Variants in SVOP observed in about 807,000 individuals in gnomAD.
SVOP encodes the protein synaptic vesicle 2-related protein.
SVOP carries 17 observed loss-of-function variants against 69.1 expected under a neutral mutation model. The ratio of observed to expected loss-of-function variants is 0.25; its 90% CI spans 0.17 to 0.37. SVOP has a LOEUF of 0.37. Among genes scored for constraint, SVOP ranks in the 10% least tolerant of loss-of-function variants. The pLI, the probability that SVOP is intolerant of heterozygous loss-of-function variation, is 1.00. For synonymous variants in SVOP, 238 were observed against 238.6 expected (o/e 1.00, Z 0.02); for missense variants, 435 against 597.5 (o/e 0.73, Z 2.84).
intron 5 of SVOP, among the ~76,000 whole-genome samples, chr12:108,966,355 C>G (rs1418439050): frequency 6.6e-6 from 1 of 152,198 alleles, no homozygotes; most frequent in African/African-American, 2.4e-5. Flanking sequence ...GTTTCCTTCA[C>G]GTTTCCATGG....
intron 1 of SVOP, among the ~76,000 whole-genome samples, chr12:108,987,982 C>G (rs894440249): frequency 6.6e-6 from 1 of 152,102 alleles, no homozygotes; most frequent in African/African-American, 2.4e-5. Flanking sequence ...AGTGCAGTGG[C>G]GTGATCATGG....
chr12:109,003,925 C>A (rs933998199), intron 1 of SVOP, among the ~76,000 whole-genome samples: 1 of 152,172 alleles, frequency 6.6e-6, no homozygotes, highest in East Asian at 1.9e-4. Flanking sequence ...AGTTTTAAAC[C>A]TGGACCTGCT....
At chr12:108,936,023 T>TACAC (rs144380662) in intron 10 of SVOP, among the ~76,000 whole-genome samples, 1,988 of 144,628 alleles carry the variant, frequency 0.014, 25 homozygotes, top group East Asian at 0.038. Flanking sequence ...ATAGTATAAA[T>TACAC]ACACACACAC....
intron 1 of SVOP, among the ~76,000 whole-genome samples, chr12:108,992,344 C>G (rs2040207174): frequency 6.6e-6 from 1 of 151,908 alleles, no homozygotes; most frequent in Admixed American, 6.6e-5. Context: ...GGTTCAAGAC[C>G]AGCCTGGGCA....
intron 1 of SVOP, among the ~76,000 whole-genome samples, chr12:109,018,009 C>A (rs1000730402): frequency 6.6e-6 from 1 of 152,020 alleles, no homozygotes; most frequent in Non-Finnish European, 1.5e-5. Flanking sequence ...CTCTAGATTG[C>A]GAGGTGCTTA....
At chr12:108,915,003 T>C (rs767277288) in intron 15 of SVOP, among the ~76,000 whole-genome samples, 1 of 151,480 alleles carries the variant, frequency 6.6e-6, no homozygotes, top group Non-Finnish European at 1.5e-5. Context: ...TGAAACCTTG[T>C]CTCTACTAAA....
chr12:108,949,114 G>A (rs1160133713), intron 6 of SVOP, among the ~76,000 whole-genome samples: 1 of 151,942 alleles, frequency 6.6e-6, no homozygotes, highest in Non-Finnish European at 1.5e-5. Context: ...TTTTTGTTTA[G>A]TTATAGAGTA....
chr12:108,951,598 G>A (rs187662976), intron 6 of SVOP, among the ~76,000 whole-genome samples: 5 of 152,218 alleles, frequency 3.3e-5, no homozygotes, highest in Admixed American at 2.6e-4. Flanking sequence ...CCTCTTATCT[G>A]CCTTAAAGGG....
chr12:108,913,549 A>G (rs2039697960), intron 15 of SVOP, among the ~76,000 whole-genome samples: 1 of 152,180 alleles, frequency 6.6e-6, no homozygotes, highest in Admixed American at 6.5e-5. Context: ...GCTAAGCTTG[A>G]GTCTGGGCTC....
At chr12:108,981,820 C>T (rs2040136598) in intron 2 of SVOP, among the ~76,000 whole-genome samples, 1 of 152,146 alleles carries the variant, frequency 6.6e-6, no homozygotes, top group Admixed American at 6.6e-5. Context: ...GTCACCATTA[C>T]TATCACACTA....
rs543054529 is a variant in SVOP, at chr12:108,912,834, C to T, written c.1441-93G>A. 220 of 1,263,316 alleles carry T rather than the reference C, an allele frequency of 1.7e-4. 1 individual carries two copies. In the African/African-American group the frequency reaches 2.7e-3, roughly 15 times the overall value. 78.3% of individuals were successfully genotyped at this position (1,263,316 alleles called of 1,614,324 possible). On this transcript the variant is annotated intron_variant, in intron 15 of 15. Transcript: ENST00000610966. ...TAGTATTAGTAACATCAGGCCCTCT[C>T]GTGATATCTGCTTGCTAAAAAGGAT...
chr12:108,974,394 A>G (rs747595332), intron 4 of SVOP, among the ~76,000 whole-genome samples: 5 of 152,228 alleles, frequency 3.3e-5, no homozygotes, highest in Non-Finnish European at 7.3e-5. Flanking sequence ...AAGTCAGTGC[A>G]GGAGAAAAAT....
chr12:108,978,786 C>G (rs748936565), intron 2 of SVOP, 123 bp from the exon 3 acceptor site: 7 of 581,398 alleles, frequency 1.2e-5, no homozygotes, highest in Non-Finnish European at 2.1e-5. Flanking sequence ...GCTTTTAGAA[C>G]TTATCCTAGA....
intron 4 of SVOP, among the ~76,000 whole-genome samples, chr12:108,974,246 T>A (rs2040094729): frequency 6.6e-6 from 1 of 152,174 alleles, no homozygotes; most frequent in South Asian, 2.1e-4. Context: ...CAGGAATACA[T>A]AAAATATTTG....
intron 7 of SVOP, among the ~76,000 whole-genome samples, chr12:108,941,499 C>A (rs2039891030): frequency 6.6e-6 from 1 of 152,046 alleles, no homozygotes; most frequent in South Asian, 2.1e-4. Flanking sequence ...CCAGACCCAG[C>A]CTCAAATTTT....
At chr12:108,924,590 G>A (rs2039769124) in intron 11 of SVOP, among the ~76,000 whole-genome samples, 1 of 152,088 alleles carries the variant, frequency 6.6e-6, no homozygotes, top group South Asian at 2.1e-4. Context: ...CCTGTCTCAG[G>A]AGGCTTCTGC....
intron 1 of SVOP, among the ~76,000 whole-genome samples, chr12:109,003,044 C>A (rs941142494): frequency 2.0e-5 from 3 of 149,854 alleles, no homozygotes; most frequent in Non-Finnish European, 4.5e-5. Flanking sequence ...AGTCTCAGAC[C>A]CTGTACCAAA....
At chr12:109,005,405 A>G (rs1328251974) in intron 1 of SVOP, among the ~76,000 whole-genome samples, 1 of 152,134 alleles carries the variant, frequency 6.6e-6, no homozygotes. Context: ...CATCTGGAAG[A>G]GCCTAGCAGG....
At chr12:108,926,837 A>G (rs1191254551) in intron 11 of SVOP, among the ~76,000 whole-genome samples, 1 of 152,190 alleles carries the variant, frequency 6.6e-6, no homozygotes, top group East Asian at 1.9e-4. Flanking sequence ...GTGTTAGTAG[A>G]CAATTCTCTT....
Sources: allele counts gnomAD v4.1 joint callset (sites outside exome capture counted in the v4.1 genomes callset), GRCh38; gene constraint gnomAD v4.1.1; transcripts MANE v1.5; gene names NCBI Gene and HGNC (gene_info 2026-07-23, HGNC 2026-07-21).